The following FAF1 variants were observed in gnomAD, a reference collection of about 807,000 sequenced individuals.
The protein encoded by FAF1 is Fas associated factor 1, also known as FAS-associated factor 1.
In FAF1, 25 loss-of-function variants were observed where a neutral mutation model predicts 92.5. That is an observed-to-expected ratio of 0.27 (90% CI 0.20 to 0.38). The LOEUF is 0.38. Ranked by LOEUF, FAF1 falls within the 10% of genes least tolerant of loss-of-function variation. The pLI is 1.00. For synonymous variants in FAF1, 234 were observed against 273.2 expected (o/e 0.86, Z 1.42); for missense variants, 636 against 793.3 (o/e 0.80, Z 2.38).
At chr1:50,572,100 AG>A (rs1477712819) in intron 12 of FAF1, among the ~76,000 whole-genome samples, 10 of 152,184 alleles carry the variant, frequency 6.6e-5, no homozygotes, top group African/African-American at 2.2e-4. Flanking sequence ...CATTATCATC[AG>A]TAATCAGAAT....
chr1:50,728,537 T>A (rs1658758446), intron 6 of FAF1, among the ~76,000 whole-genome samples: 1 of 152,088 alleles, frequency 6.6e-6, no homozygotes, highest in Non-Finnish European at 1.5e-5. Flanking sequence ...ATGCCTGCAA[T>A]TCCAGCACTT....
intron 1 of FAF1, among the ~76,000 whole-genome samples, chr1:50,884,806 T>C (rs1275561981): frequency 6.6e-6 from 1 of 152,132 alleles, no homozygotes; most frequent in African/African-American, 2.4e-5. Context: ...TTGTAAGTAT[T>C]CCTTCCTCTA....
rs761824898 is a variant in FAF1, at chr1:50,788,125, G to T, written c.242C>A (p.Ser81Tyr). Residue 81 changes from serine to tyrosine, a missense_variant, in exon 4 of 19, where the codon TCT becomes TAT. Transcript: ENST00000396153. ...TGGCATTACAGGTCGAAACGCTGAAGAAGAAGAGGAAGTAGGAGCTGAAGC... is the reference window on the plus strand; with the variant it reads ...TGGCATTACAGGTCGAAACGCTGAATAAGAAGAGGAAGTAGGAGCTGAAGC... ...HPASAPTSSS[S>Y]SAFRPVMPSR... is the part of the protein sequence containing the mutation. 1.2e-6 allele frequency: 2 copies of T among 1,614,122 alleles called. No individual in the cohort carries two copies. Among genetic ancestry groups the T allele is most frequent in the Non-Finnish European group, 1.7e-6 (2 of 1,179,998 alleles).
intron 8 of FAF1, among the ~76,000 whole-genome samples, chr1:50,648,520 T>G (rs537623847): frequency 6.6e-6 from 1 of 152,336 alleles, no homozygotes; most frequent in South Asian, 2.1e-4. Context: ...AAGGGAAGTT[T>G]CAGACTAAAG....
intron 2 of FAF1, among the ~76,000 whole-genome samples, chr1:50,853,219 C>T (rs569905007): frequency 4.6e-5 from 7 of 152,122 alleles, no homozygotes; most frequent in Admixed American, 6.6e-5. Context: ...GGAACTGCTA[C>T]ATGAAATTTT....
chr1:50,830,096 T>C (rs915674858), intron 2 of FAF1, among the ~76,000 whole-genome samples: 2 of 152,164 alleles, frequency 1.3e-5, no homozygotes, highest in Non-Finnish European at 2.9e-5. Flanking sequence ...TCATTCTTGC[T>C]TCTTTTTGTT....
rs201015521 is a variant in FAF1 at position 50,584,713 on chromosome 1, C to T, written c.939G>A (p.Ala313=). 7.8e-5 allele frequency: 126 copies of T among 1,613,334 alleles called. No homozygotes were observed. The highest frequency in any genetic ancestry group is 9.7e-5 in the Non-Finnish European group (114 of 1,179,584). The change falls in exon 10 of 19, where the codon GCG becomes GCA. Residue 313 remains alanine (A), a synonymous_variant. Transcript: ENST00000396153. ...GVDDGEVFGM[A]SSALRKSPMM... is the part of the protein sequence containing the mutation. ...TTGGAGATTTTCTCAAGGCAGATGA[C>T]GCCATGCCAAATACTTCTCCATCAT...
At chr1:50,826,816 A>G (rs955434161) in intron 2 of FAF1, among the ~76,000 whole-genome samples, 6 of 152,232 alleles carry the variant, frequency 3.9e-5, no homozygotes, top group Non-Finnish European at 7.3e-5. Context: ...GTTTAGTCTT[A>G]TATCTACTAA....
chr1:50,710,792 C>T (rs947911519), intron 6 of FAF1, among the ~76,000 whole-genome samples: 16 of 151,870 alleles, frequency 1.1e-4, no homozygotes, highest in African/African-American at 3.9e-4. Flanking sequence ...TTAGTAGAGA[C>T]GGGGTTTCAC....
chr1:50,742,152 T>TAA (rs1306291213), intron 5 of FAF1, among the ~76,000 whole-genome samples: 5 of 145,266 alleles, frequency 3.4e-5, no homozygotes, highest in Non-Finnish European at 6.2e-5. Context: ...CTACAAAAAT[T>TAA]TAAAAAAAAA....
chr1:50,448,744 C>CA (rs1646258298), intron 18 of FAF1, among the ~76,000 whole-genome samples: 1 of 152,210 alleles, frequency 6.6e-6, no homozygotes, highest in Non-Finnish European at 1.5e-5. Flanking sequence ...TTTCCGGTAA[C>CA]AAAGGAGGTG....
chr1:50,690,881 GTTCA>G (rs1270094052), intron 7 of FAF1, among the ~76,000 whole-genome samples: 1 of 152,018 alleles, frequency 6.6e-6, no homozygotes, highest in Non-Finnish European at 1.5e-5. Flanking sequence ...TGTTTTTAAG[GTTCA>G]TTAACATTGT....
intron 1 of FAF1, among the ~76,000 whole-genome samples, chr1:50,909,280 C>G (rs6673810): frequency 0.31 from 46,645 of 152,080 alleles, 7,472 homozygotes; most frequent in Middle Eastern, 0.5. Flanking sequence ...GTGGGTAACT[C>G]GACCTTTCTC....
intron 1 of FAF1, among the ~76,000 whole-genome samples, chr1:50,947,927 C>T (rs1254842723): frequency 1.3e-5 from 2 of 152,140 alleles, no homozygotes; most frequent in African/African-American, 2.4e-5. Context: ...TAAATAGTCA[C>T]TGAGCACCTT....
chr1:50,498,984 C>G (rs1401812425), intron 15 of FAF1, among the ~76,000 whole-genome samples: 1 of 152,000 alleles, frequency 6.6e-6, no homozygotes, highest in African/African-American at 2.4e-5. Context: ...TCCAACTGTT[C>G]AACAGATGAA....
chr1:50,801,957 C>T (rs1300975762), intron 2 of FAF1, among the ~76,000 whole-genome samples: 1 of 152,148 alleles, frequency 6.6e-6, no homozygotes, highest in East Asian at 1.9e-4. Context: ...AAAACACTCA[C>T]AGAACCCAAA....
At position 50,458,889 on chromosome 1, in the gene FAF1, A is replaced by G. The variant is rs533896546; in HGVS notation, c.1869+16575T>C. Among the ~76,000 whole-genome samples, 36 of 152,258 alleles carry G rather than the reference A, an allele frequency of 2.4e-4. No individual in the cohort carries two copies. The South Asian group carries it at 6.8e-3, about 29-fold the overall frequency. On this transcript the variant is annotated intron_variant, in intron 18 of 18. Transcript: ENST00000396153. ...GCTACCTAGAGGCTAAGTAATTTACACAAGATCAAACACCTAGGAAATGGT... is the reference window on the plus strand; with the variant it reads ...GCTACCTAGAGGCTAAGTAATTTACGCAAGATCAAACACCTAGGAAATGGT...
At position 50,959,919 on chromosome 1, in the gene FAF1, G is replaced by C. The variant is rs1645302349; in HGVS notation, c.-108C>G. On this transcript the variant is annotated 5_prime_UTR_variant, in exon 1 of 19. Coordinates refer to ENST00000396153, the MANE Select transcript of FAF1 (RefSeq NM_007051.3). Reference sequence around the variant, plus strand: ...CGCCGCCGCCGCCGCCGGGCGCCGAGGGGCTGGCGGGCGAGCCGGCGGGCG... The same window carrying C: ...CGCCGCCGCCGCCGCCGGGCGCCGACGGGCTGGCGGGCGAGCCGGCGGGCG... 6.1e-6 allele frequency: 4 copies of C among 657,074 alleles called. No homozygotes were observed. The highest frequency in any genetic ancestry group is 2.0e-5 in the African/African-American group (1 of 50,824). The allele number at this position is 657,074 out of a possible 1,614,324, so 40.7% of individuals were successfully genotyped here. A position where few individuals can be genotyped will look rare whatever the true frequency, so the allele number is the denominator to read the frequency against.
At chr1:50,849,416 T>G (rs1300991672) in intron 2 of FAF1, among the ~76,000 whole-genome samples, 1 of 152,214 alleles carries the variant, frequency 6.6e-6, no homozygotes, top group Non-Finnish European at 1.5e-5. Flanking sequence ...TTCCTTTACA[T>G]TTTTAGATAT....
Sources: allele counts gnomAD v4.1 joint callset (sites outside exome capture counted in the v4.1 genomes callset), GRCh38; gene constraint gnomAD v4.1.1; transcripts MANE v1.5; gene names NCBI Gene and HGNC (gene_info 2026-07-23, HGNC 2026-07-21).